The following CTNNA3 variants were observed in gnomAD, a reference collection of about 807,000 sequenced individuals.
CTNNA3 encodes catenin alpha-3.
A neutral mutation model predicts 95.7 loss-of-function variants in CTNNA3; 76 were observed. That is an observed-to-expected ratio of 0.79 (90% CI 0.66 to 0.96). The LOEUF is 0.96. Among genes scored for constraint, CTNNA3 ranks in the 40% least tolerant of loss-of-function variants. The pLI is 0.00. For synonymous variants in CTNNA3, 431 were observed against 374.4 expected (o/e 1.15, Z -1.74); for missense variants, 1,191 against 1,089.8 (o/e 1.09, Z -1.31).
At chr10:66,583,325 TG>T (rs1224915177) in intron 10 of CTNNA3, among the ~76,000 whole-genome samples, 2 of 151,412 alleles carry the variant, frequency 1.3e-5, no homozygotes, top group Non-Finnish European at 3.0e-5. Context: ...TTGTTGTTGT[TG>T]TTGTTTTTCT....
chr10:67,601,027 G>A (rs543225904), intron 3 of CTNNA3, among the ~76,000 whole-genome samples: 5 of 152,144 alleles, frequency 3.3e-5, no homozygotes, highest in East Asian at 1.9e-4. Context: ...AGCTGGTAGC[G>A]GGGACAAGGG....
In CTNNA3 at chr10:67,655,375, T is replaced by C. The variant is rs79411453; in HGVS notation, c.-5-7857A>G. Among the ~76,000 whole-genome samples the C allele has an allele frequency of 8.5e-4, 130 of 152,340 alleles. 1 individual carries two copies. In the East Asian group the frequency reaches 0.022, roughly 26 times the overall value. On this transcript the variant is annotated intron_variant, in intron 1 of 17. Transcript: ENST00000433211. ...CAATCCCCACCATCATCACAAATGT[T>C]AACCTTTGCCTAATACCTGTCTCCC...
chr10:66,611,563 A>T (rs1844331381), intron 10 of CTNNA3, among the ~76,000 whole-genome samples: 1 of 152,088 alleles, frequency 6.6e-6, no homozygotes. Context: ...GGGGGAAAAA[A>T]TCTAGGAATA....
intron 7 of CTNNA3, chr10:66,837,632 T>C (rs1334042939): frequency 6.6e-6 from 1 of 152,126 alleles, no homozygotes; most frequent in Non-Finnish European, 1.5e-5. Context: ...AGTGAGTTGA[T>C]TCAATTGCCA....
chr10:67,690,813 G>A (rs376028318), intron 1 of CTNNA3, among the ~76,000 whole-genome samples: 3 of 152,222 alleles, frequency 2.0e-5, no homozygotes, highest in Non-Finnish European at 2.9e-5. Flanking sequence ...GTACCAGAAT[G>A]TAAGTTAATG....
At chr10:66,684,911 A>G (rs1847193992) in intron 9 of CTNNA3, among the ~76,000 whole-genome samples, 2 of 151,912 alleles carry the variant, frequency 1.3e-5, no homozygotes, top group Admixed American at 1.3e-4. Context: ...ATGATTCTAA[A>G]AAAATTATCT....
intron 12 of CTNNA3, among the ~76,000 whole-genome samples, chr10:66,290,291 C>G (rs575319874): frequency 1.2e-3 from 180 of 151,846 alleles, no homozygotes; most frequent in African/African-American, 4.0e-3. Context: ...AGTTAGGGAG[C>G]AGAAATATAA....
chr10:66,079,600 T>C (rs1345857916), intron 14 of CTNNA3, among the ~76,000 whole-genome samples: 6 of 152,094 alleles, frequency 3.9e-5, no homozygotes, highest in Admixed American at 3.9e-4. Flanking sequence ...CATTCTATCT[T>C]TCTAACAACA....
At chr10:66,275,066 T>C (rs1345937656) in intron 13 of CTNNA3, among the ~76,000 whole-genome samples, 2 of 152,216 alleles carry the variant, frequency 1.3e-5, no homozygotes, top group South Asian at 2.1e-4. Flanking sequence ...ATATTTTGAG[T>C]TTCATTGTAT....
At chr10:67,105,184 T>C (rs1351873105) in intron 7 of CTNNA3, among the ~76,000 whole-genome samples, 2 of 152,024 alleles carry the variant, frequency 1.3e-5, no homozygotes, top group Non-Finnish European at 2.9e-5. Context: ...CTAATGTGGA[T>C]ATTTGGAATA....
At chr10:67,680,614 C>T (rs980252485) in intron 1 of CTNNA3, among the ~76,000 whole-genome samples, 8 of 152,296 alleles carry the variant, frequency 5.3e-5, no homozygotes, top group Non-Finnish European at 1.0e-4. Context: ...CTATGAACTA[C>T]CTAATGTCAT....
chr10:66,613,101 C>T (rs1193816082), intron 10 of CTNNA3, among the ~76,000 whole-genome samples: 1 of 152,058 alleles, frequency 6.6e-6, no homozygotes, highest in Non-Finnish European at 1.5e-5. Flanking sequence ...AGGCTGTAAA[C>T]ACTTTGGTTT....
At position 65,931,423 on chromosome 10, in the gene CTNNA3, T is replaced by A. The variant is rs188591609; in HGVS notation, c.2401-10806A>T. Among the ~76,000 whole-genome samples the A allele has an allele frequency of 2.3e-3, 352 of 152,324 alleles. 1 individual carries two copies. The highest frequency in any genetic ancestry group is 3.8e-3 in the Non-Finnish European group (257 of 68,030). On this transcript the variant is annotated intron_variant, in intron 17 of 17. Coordinates refer to ENST00000433211, the MANE Select transcript of CTNNA3 (RefSeq NM_013266.4). ...CAGCAGCATTAACTCATACCATTAT[T>A]GCTTCATCAACACACTGGAAGTAAA...
intron 7 of CTNNA3, among the ~76,000 whole-genome samples, chr10:67,054,006 C>G (rs1855275526): frequency 6.6e-6 from 1 of 152,158 alleles, no homozygotes; most frequent in South Asian, 2.1e-4. Flanking sequence ...TACACGATAT[C>G]TCTAAAAGAG....
intron 12 of CTNNA3, among the ~76,000 whole-genome samples, chr10:66,291,845 T>C (rs959670699): frequency 5.9e-5 from 9 of 151,520 alleles, no homozygotes; most frequent in African/African-American, 2.2e-4. Flanking sequence ...AAATTATATA[T>C]ATGTGTATGC....
chr10:66,099,757 C>T (rs1158145465), intron 14 of CTNNA3, among the ~76,000 whole-genome samples: 3 of 152,134 alleles, frequency 2.0e-5, no homozygotes, highest in Non-Finnish European at 4.4e-5. Flanking sequence ...CTGTGACATC[C>T]TTTGCTCTGT....
intron 11 of CTNNA3, among the ~76,000 whole-genome samples, chr10:66,420,839 A>AAAT (rs147665115): frequency 0.058 from 4,427 of 76,700 alleles, 150 homozygotes; most frequent in African/African-American, 0.19. Flanking sequence ...ATAAATAAAT[A>AAAT]AAAAACAATA....
chr10:66,911,074 A>G (rs942961135), intron 7 of CTNNA3, among the ~76,000 whole-genome samples: 1 of 152,230 alleles, frequency 6.6e-6, no homozygotes, highest in Non-Finnish European at 1.5e-5. Flanking sequence ...TTAAAATATT[A>G]TGCTAGCCAT....
At chr10:66,777,762 TACACACACACAC>T (rs372712619) in intron 7 of CTNNA3, among the ~76,000 whole-genome samples, 5 of 136,870 alleles carry the variant, frequency 3.7e-5, no homozygotes, top group Non-Finnish European at 7.8e-5. Context: ...AGAGACCTCC[TACACACACACAC>T]ACACACACAC....
Sources: gnomAD v4.1 joint callset for allele counts (sites outside exome capture counted in the v4.1 genomes callset) on GRCh38, gnomAD v4.1.1 for gene constraint, MANE v1.5 for transcripts, NCBI Gene and HGNC (gene_info 2026-07-23, HGNC 2026-07-21) for gene names.